ENTREP2: variants seen among roughly 807,000 people sequenced by gnomAD.
ENTREP2 encodes endosomal transmembrane epsin interactor 2.
the ENTREP2 span, among the ~76,000 whole-genome samples, chr15:29,474,870 C>T: frequency 4.6e-5 from 7 of 152,080 alleles, no homozygotes; most frequent in South Asian, 2.1e-4. Flanking sequence ...GTCATTTCTT[C>T]GGGGGATCTT....
At chr15:29,150,605 CTTAA>C in the ENTREP2 span, among the ~76,000 whole-genome samples, 1 of 152,152 alleles carries the variant, frequency 6.6e-6, no homozygotes, top group African/African-American at 2.4e-5. Context: ...CTTAGAACTG[CTTAA>C]TTAGATACCT....
the ENTREP2 span, among the ~76,000 whole-genome samples, chr15:29,639,669 T>A: frequency 6.7e-6 from 1 of 149,710 alleles, no homozygotes; most frequent in African/African-American, 2.5e-5. Context: ...AAAGCAAGCA[T>A]AAGAAAGGAA....
the ENTREP2 span, among the ~76,000 whole-genome samples, chr15:29,638,698 A>T: frequency 6.6e-6 from 1 of 152,204 alleles, no homozygotes; most frequent in Non-Finnish European, 1.5e-5. Context: ...GTAACATAGC[A>T]AGACCCCATC....
chr15:29,289,990 A>G, the ENTREP2 span, among the ~76,000 whole-genome samples: 1 of 152,210 alleles, frequency 6.6e-6, no homozygotes, highest in Non-Finnish European at 1.5e-5. Context: ...CTGTACAGCA[A>G]TAAGAAGGAG....
the ENTREP2 span, among the ~76,000 whole-genome samples, chr15:29,381,056 T>G: frequency 6.6e-6 from 1 of 151,208 alleles, no homozygotes; most frequent in Non-Finnish European, 1.5e-5. Flanking sequence ...TTTCACCATG[T>G]TGGCCAGGCT....
chr15:29,612,030 C>T, the ENTREP2 span, among the ~76,000 whole-genome samples: 1 of 152,192 alleles, frequency 6.6e-6, no homozygotes, highest in Admixed American at 6.5e-5. Flanking sequence ...TCCTATTTTA[C>T]AAACGTGGCA....
chr15:29,603,937 C>A, the ENTREP2 span, among the ~76,000 whole-genome samples: 1 of 152,022 alleles, frequency 6.6e-6, no homozygotes, highest in African/African-American at 2.4e-5. Flanking sequence ...ACATGCCTGG[C>A]CTGAAACTCC....
At chr15:29,671,501 T>C in the ENTREP2 span, among the ~76,000 whole-genome samples, 13 of 152,184 alleles carry the variant, frequency 8.5e-5, no homozygotes, top group South Asian at 2.1e-4. Flanking sequence ...AGTGTCAGAA[T>C]TGAATTGAAT....
chr15:29,368,232 C>T, the ENTREP2 span, among the ~76,000 whole-genome samples: 2 of 150,988 alleles, frequency 1.3e-5, no homozygotes, highest in Non-Finnish European at 1.5e-5. Context: ...GGCTGAGGCA[C>T]GAGAACTGTT....
the ENTREP2 span, among the ~76,000 whole-genome samples, chr15:29,213,808 A>C: frequency 2.0e-5 from 3 of 152,290 alleles, no homozygotes; most frequent in South Asian, 4.1e-4. Flanking sequence ...ACAAAGGGCT[A>C]ATATCCAGAA....
the ENTREP2 span, among the ~76,000 whole-genome samples, chr15:29,499,558 T>A: frequency 1.3e-5 from 2 of 151,488 alleles, no homozygotes; most frequent in African/African-American, 2.4e-5. Context: ...TTTTTTTTTT[T>A]AGAAATGAGG....
chr15:29,538,947 A>C, the ENTREP2 span, among the ~76,000 whole-genome samples: 32 of 152,314 alleles, frequency 2.1e-4, no homozygotes, highest in African/African-American at 7.5e-4. Flanking sequence ...ATCCATGTAT[A>C]TTAGCAAAAA....
At chr15:29,495,665 G>T in the ENTREP2 span, among the ~76,000 whole-genome samples, 1 of 151,976 alleles carries the variant, frequency 6.6e-6, no homozygotes, top group Non-Finnish European at 1.5e-5. Flanking sequence ...TGAAAACAAT[G>T]ATCCTTTTCC....
At chr15:29,468,439 C>T in the ENTREP2 span, among the ~76,000 whole-genome samples, 4 of 152,020 alleles carry the variant, frequency 2.6e-5, no homozygotes, top group Admixed American at 6.6e-5. Flanking sequence ...AGTGAAACCT[C>T]GTCTCCACTA....
the ENTREP2 span, among the ~76,000 whole-genome samples, chr15:29,313,485 T>C: frequency 6.6e-6 from 1 of 152,210 alleles, no homozygotes; most frequent in Non-Finnish European, 1.5e-5. Context: ...TTAAGAATTA[T>C]GCTAAATCTA....
the ENTREP2 span, among the ~76,000 whole-genome samples, chr15:29,226,623 C>T: frequency 6.6e-6 from 1 of 152,166 alleles, no homozygotes; most frequent in Non-Finnish European, 1.5e-5. Flanking sequence ...ATTTATTACT[C>T]AGGATGAGGA....
the ENTREP2 span, among the ~76,000 whole-genome samples, chr15:29,200,964 T>G: frequency 6.6e-6 from 1 of 152,226 alleles, no homozygotes; most frequent in Non-Finnish European, 1.5e-5. Context: ...TCAGTGTATG[T>G]TTTGTTAGAT....
At chr15:29,331,110 A>G in the ENTREP2 span, among the ~76,000 whole-genome samples, 1 of 152,216 alleles carries the variant, frequency 6.6e-6, no homozygotes, top group African/African-American at 2.4e-5. Context: ...ATGTGGTGTG[A>G]GTTTTACACT....
chr15:29,255,407 T>C, the ENTREP2 span, among the ~76,000 whole-genome samples: 3 of 152,198 alleles, frequency 2.0e-5, no homozygotes, highest in Non-Finnish European at 2.9e-5. Context: ...GGAACACTTA[T>C]ACACTGTTGG....
Sources: allele counts gnomAD v4.1 joint callset (sites outside exome capture counted in the v4.1 genomes callset), GRCh38; gene constraint gnomAD v4.1.1; transcripts MANE v1.5; gene names NCBI Gene and HGNC (gene_info 2026-07-23, HGNC 2026-07-21).